EBF1: variants seen among roughly 807,000 people sequenced by gnomAD.
EBF1 encodes transcription factor COE1.
Under a neutral mutation model 68.4 loss-of-function variants are expected in EBF1, and 10 were observed. The observed-to-expected ratio is 0.15, with a 90% confidence interval of 0.09 to 0.25. EBF1 has a LOEUF of 0.25. Ranked by LOEUF, EBF1 falls within the 10% of genes least tolerant of loss-of-function variation. The pLI, the probability that EBF1 is intolerant of heterozygous loss-of-function variation, is 1.00. For missense variants in EBF1, 509 were observed against 794.4 expected (o/e 0.64, Z 4.32); for synonymous variants, 298 against 299.8 (o/e 0.99, Z 0.06).
intron 15 of EBF1, among the ~76,000 whole-genome samples, chr5:158,706,802 C>T (rs1272880949): frequency 1.3e-5 from 2 of 152,190 alleles, no homozygotes; most frequent in African/African-American, 4.8e-5. Flanking sequence ...GGTATTTACC[C>T]TCTTTAAGCT....
chr5:158,951,461 C>T (rs1815952668), intron 6 of EBF1, among the ~76,000 whole-genome samples: 1 of 152,206 alleles, frequency 6.6e-6, no homozygotes, highest in African/African-American at 2.4e-5. Flanking sequence ...AGTATTTCCA[C>T]AGCACAGTAA....
intron 10 of EBF1, among the ~76,000 whole-genome samples, chr5:158,737,862 T>C (rs1171731812): frequency 6.6e-6 from 1 of 152,174 alleles, no homozygotes; most frequent in African/African-American, 2.4e-5. Flanking sequence ...TCCTCAGGAC[T>C]GTAGCTTGGA....
At chr5:158,989,290 G>T (rs1759790597) in intron 6 of EBF1, among the ~76,000 whole-genome samples, 1 of 152,228 alleles carries the variant, frequency 6.6e-6, no homozygotes, top group Non-Finnish European at 1.5e-5. Context: ...AGGTCAGAGA[G>T]CTGTGCTTAG....
intron 6 of EBF1, among the ~76,000 whole-genome samples, chr5:158,867,057 C>A (rs1270663985): frequency 6.6e-6 from 1 of 151,846 alleles, no homozygotes; most frequent in Non-Finnish European, 1.5e-5. Flanking sequence ...AAAGGTTAAA[C>A]ATGCAGCACT....
intron 6 of EBF1, among the ~76,000 whole-genome samples, chr5:158,947,246 A>C (rs1454599155): frequency 2.0e-5 from 3 of 152,066 alleles, no homozygotes; most frequent in Non-Finnish European, 2.9e-5. Context: ...GAAAAAAAAA[A>C]AACTCCTGCA....
chr5:158,788,625 G>A (rs1777932416), intron 9 of EBF1, among the ~76,000 whole-genome samples: 2 of 152,112 alleles, frequency 1.3e-5, no homozygotes, highest in Non-Finnish European at 2.9e-5. Context: ...TCAGCAATCA[G>A]CAAGAAAGGA....
chr5:158,982,922 C>T (rs1242044133), intron 6 of EBF1: 4 of 152,166 alleles, frequency 2.6e-5, no homozygotes, highest in African/African-American at 9.7e-5. Flanking sequence ...TTCTGGTCTG[C>T]TCCCCTATGA....
chr5:158,721,416 C>T (rs544013436), intron 11 of EBF1, among the ~76,000 whole-genome samples: 27 of 151,408 alleles, frequency 1.8e-4, no homozygotes, highest in East Asian at 1.2e-3. Flanking sequence ...CTGTTATTGC[C>T]ACAATGGAAA....
At chr5:158,884,299 G>A (rs759737442) in intron 6 of EBF1, among the ~76,000 whole-genome samples, 2 of 152,028 alleles carry the variant, frequency 1.3e-5, no homozygotes, top group Non-Finnish European at 2.9e-5. Context: ...GAGAGATCTC[G>A]GTTTATTCCT....
intron 6 of EBF1, among the ~76,000 whole-genome samples, chr5:158,866,372 C>T (rs1485057653): frequency 1.3e-5 from 2 of 152,170 alleles, no homozygotes; most frequent in Non-Finnish European, 2.9e-5. Context: ...ATAAATCTCT[C>T]ACCTAAGGAA....
intron 15 of EBF1, 119 bp downstream of exon 15, chr5:158,707,860 G>A: frequency 8.1e-7 from 1 of 1,229,004 alleles, no homozygotes; most frequent in Non-Finnish European, 1.1e-6. Flanking sequence ...TGAGGGCAGA[G>A]AGAATCAGGC....
At chr5:158,719,810 G>A (rs562047154) in intron 11 of EBF1, among the ~76,000 whole-genome samples, 7 of 152,160 alleles carry the variant, frequency 4.6e-5, no homozygotes, top group South Asian at 2.1e-4. Context: ...TGGGAACTCC[G>A]CCCATAAAAT....
intron 10 of EBF1, among the ~76,000 whole-genome samples, chr5:158,775,776 GCACACAGACACACACAC>G (rs1775043050): frequency 1.8e-5 from 1 of 56,002 alleles, no homozygotes; most frequent in African/African-American, 9.2e-5. Flanking sequence ...ACACACACAT[GCACACAGACACACACAC>G]ACACACACAC....
At position 158,696,877 on chromosome 5, in the gene EBF1, T is replaced by G; in HGVS notation, c.*2234A>C. 4.9e-6 allele frequency: 1 copy of G among 203,802 alleles called. No individual in the cohort carries two copies. Among genetic ancestry groups the G allele is most frequent in the Non-Finnish European group, 1.0e-5 (1 of 99,378 alleles). 12.6% of individuals were successfully genotyped at this position (203,802 alleles called of 1,614,324 possible). A position where few individuals can be genotyped will look rare whatever the true frequency, so the allele number is the denominator to read the frequency against. On this transcript the variant is annotated 3_prime_UTR_variant, in exon 16 of 16. Coordinates refer to ENST00000313708, the MANE Select transcript of EBF1 (RefSeq NM_024007.5). ...GTCTTAAGGTAACAAAACAGTTCTTTTGTGCTTTTCGATTTCTTTGTTTTT... is the reference window on the plus strand; with the variant it reads ...GTCTTAAGGTAACAAAACAGTTCTTGTGTGCTTTTCGATTTCTTTGTTTTT...
intron 6 of EBF1, among the ~76,000 whole-genome samples, chr5:158,840,673 G>GTTTTT (rs1554157163): frequency 3.2e-4 from 22 of 68,904 alleles, no homozygotes; most frequent in East Asian, 1.5e-3. Flanking sequence ...TTTTTTTTTT[G>GTTTTT]TTTTTTTTTT....
intron 6 of EBF1, among the ~76,000 whole-genome samples, chr5:158,922,232 TCA>T (rs1808590289): frequency 6.6e-6 from 1 of 152,188 alleles, no homozygotes; most frequent in Non-Finnish European, 1.5e-5. Flanking sequence ...GTAACAGAGG[TCA>T]CAGTCTTCTC....
intron 6 of EBF1, among the ~76,000 whole-genome samples, chr5:158,976,216 G>T (rs1196693525): frequency 1.3e-5 from 2 of 152,140 alleles, no homozygotes; most frequent in Non-Finnish European, 2.9e-5. Context: ...GTTACAAAAA[G>T]AATCTAAATA....
At chr5:158,704,385 T>C (rs561427285) in intron 15 of EBF1, among the ~76,000 whole-genome samples, 4 of 152,154 alleles carry the variant, frequency 2.6e-5, no homozygotes, top group South Asian at 2.1e-4. Context: ...AGAGTGGTAG[T>C]TGGAGGTAAA....
At chr5:158,714,727 T>C (rs541932914) in intron 11 of EBF1, among the ~76,000 whole-genome samples, 108 of 152,228 alleles carry the variant, frequency 7.1e-4, no homozygotes, top group Admixed American at 1.3e-3. Flanking sequence ...GGCAATGCAC[T>C]GTTTGTCAAA....
Sources: gnomAD v4.1 joint callset for allele counts (sites outside exome capture counted in the v4.1 genomes callset) on GRCh38, gnomAD v4.1.1 for gene constraint, MANE v1.5 for transcripts, NCBI Gene and HGNC (gene_info 2026-07-23, HGNC 2026-07-21) for gene names.